BPTF: variants seen among roughly 807,000 people sequenced by gnomAD.
BPTF encodes the protein bromodomain PHD finger transcription factor.
In BPTF, 18 loss-of-function variants were observed where a neutral mutation model predicts 292.5. The ratio of observed to expected loss-of-function variants is 0.06; its 90% confidence interval spans 0.04 to 0.09. The LOEUF (loss-of-function observed/expected upper bound fraction) is 0.09. Among genes scored for constraint, BPTF ranks in the 10% least tolerant of loss-of-function variants. The pLI is 1.00. For missense variants in BPTF, 2,726 were observed against 3,498.7 expected, an observed-to-expected ratio of 0.78 and a Z score of 5.57; for synonymous variants, 1,225 against 1,251.9, an observed-to-expected ratio of 0.98 and a Z score of 0.45.
chr17:67,955,025 C>T (rs1291676247), intron 23 of BPTF, among the ~76,000 whole-genome samples: 4 of 152,088 alleles, frequency 2.6e-5, no homozygotes, highest in Non-Finnish European at 4.4e-5. Context: ...TACGGTGGCT[C>T]ATGCCTGTAA....
At chr17:67,930,874 G>A (rs541614905) in intron 17 of BPTF, among the ~76,000 whole-genome samples, 3 of 151,912 alleles carry the variant, frequency 2.0e-5, no homozygotes, top group African/African-American at 4.8e-5. Flanking sequence ...AGAATTGCTC[G>A]AACCCACAAG....
intron 27 of BPTF, among the ~76,000 whole-genome samples, chr17:67,976,698 A>AT (rs2069490374): frequency 5.2e-5 from 2 of 38,504 alleles, no homozygotes. Context: ...AAAAAAAAAA[A>AT]AAAAAAAAAA....
chr17:67,886,400 C>G, intron 4 of BPTF: 1 of 978,456 alleles, frequency 1.0e-6, no homozygotes, highest in Non-Finnish European at 1.4e-6. Context: ...TGGTTTTTTG[C>G]TTTTGTTTTT....
intron 11 of BPTF, among the ~76,000 whole-genome samples, chr17:67,913,805 G>A (rs571566735): frequency 1.2e-3 from 177 of 152,240 alleles, no homozygotes; most frequent in African/African-American, 4.2e-3. Context: ...AGATAGTGTT[G>A]GTAGTTGTAA....
At chr17:67,828,154 A>T (rs2056290679) in intron 1 of BPTF, among the ~76,000 whole-genome samples, 1 of 151,784 alleles carries the variant, frequency 6.6e-6, no homozygotes, top group Non-Finnish European at 1.5e-5. Flanking sequence ...CTGGTCTCGA[A>T]CTCTTGACCT....
chr17:67,949,612 T>C (rs1229693294), intron 23 of BPTF, among the ~76,000 whole-genome samples: 3 of 150,080 alleles, frequency 2.0e-5, no homozygotes, highest in African/African-American at 4.9e-5. Flanking sequence ...TACATATATA[T>C]ACACACACAC....
At chr17:67,968,642 G>A (rs2068399566) in intron 26 of BPTF, among the ~76,000 whole-genome samples, 2 of 150,954 alleles carry the variant, frequency 1.3e-5, no homozygotes, top group African/African-American at 4.9e-5. Flanking sequence ...CAAAAAATTA[G>A]CCGGGTGTGG....
chr17:67,973,600 TG>T (rs1555692201), intron 26 of BPTF, among the ~76,000 whole-genome samples: 1 of 151,932 alleles, frequency 6.6e-6, no homozygotes, highest in Non-Finnish European at 1.5e-5. Flanking sequence ...CTCCACCTCC[TG>T]GGTTCAAGGG....
At chr17:67,826,845 C>T (rs8079994) in intron 1 of BPTF, among the ~76,000 whole-genome samples, 2,876 of 152,150 alleles carry the variant, frequency 0.019, 93 homozygotes, top group African/African-American at 0.066. Context: ...CAAACACGCA[C>T]AAAAAAATGC....
chr17:67,951,257 C>T (rs777357982), intron 23 of BPTF: 1 of 152,048 alleles, frequency 6.6e-6, no homozygotes, highest in Non-Finnish European at 1.5e-5. Flanking sequence ...GAATCAGCCC[C>T]AATCCTGAGG....
Position 67,846,337 on chromosome 17 carries a change from G to A in BPTF, c.614-7603G>A, listed in dbSNP as rs568273690. ...GATACTGAATGTATTTTAGCTTTGTGTTGACAACCCAGTGGGTTATTTGAA... is the reference window on the plus strand; with the variant it reads ...GATACTGAATGTATTTTAGCTTTGTATTGACAACCCAGTGGGTTATTTGAA... On this transcript the variant is annotated intron_variant, in intron 1 of 27. Transcript: ENST00000306378. Among the ~76,000 whole-genome samples the A allele has an allele frequency of 8.5e-4, 130 of 152,272 alleles. 1 individual carries two copies. The highest frequency in any genetic ancestry group is 2.8e-3 in the African/African-American group (118 of 41,556).
intron 2 of BPTF, among the ~76,000 whole-genome samples, chr17:67,865,050 C>T (rs2059318407): frequency 6.6e-6 from 1 of 152,146 alleles, no homozygotes; most frequent in Non-Finnish European, 1.5e-5. Context: ...TTGTGATCCG[C>T]CCGCCTCAGC....
intron 1 of BPTF, among the ~76,000 whole-genome samples, chr17:67,834,192 G>T (rs2056949452): frequency 6.6e-6 from 1 of 152,114 alleles, no homozygotes; most frequent in Admixed American, 6.6e-5. Flanking sequence ...TGTGCATTAA[G>T]TGTTTTAGTT....
chr17:67,954,156 T>C (rs2066702148), intron 23 of BPTF, among the ~76,000 whole-genome samples: 1 of 108,996 alleles, frequency 9.2e-6, no homozygotes, highest in Non-Finnish European at 2.2e-5. Flanking sequence ...TGCCACCCTG[T>C]CTGGCTAATT....
Position 67,959,688 on chromosome 17 carries a change from G to A in BPTF, c.8074G>A (p.Ala2692Thr), listed in dbSNP as rs1442552068. The A allele has an allele frequency of 6.4e-6, 9 of 1,403,210 alleles. No homozygotes were observed. The highest frequency in any genetic ancestry group is 8.5e-6 in the Non-Finnish European group (9 of 1,059,620). The allele number at this position is 1,403,210 out of a possible 1,614,324, so 86.9% of individuals were successfully genotyped here. Residue 2692 changes from alanine to threonine, a missense_variant, in exon 24 of 28, where the codon GCT becomes ACT. Physicochemically the swap from Ala to Thr is moderately conservative, Grantham distance 58. Coordinates refer to ENST00000306378, the MANE Select transcript of BPTF (RefSeq NM_182641.4). ...APPPSPPPPP[A>T]VQHTGLLSTP... ...TCCACCTTCACCTCCCCCTCCACCT[G>A]CTGTGCAACACACAGGCCTTCTGTC...
chr17:67,961,980 AAAAG>A (rs1468957431), intron 24 of BPTF, among the ~76,000 whole-genome samples: 4 of 151,672 alleles, frequency 2.6e-5, no homozygotes, highest in Admixed American at 6.6e-5. Flanking sequence ...TCAAAAAAAA[AAAAG>A]AAAAGAAAAA....
chr17:67,970,586 G>T (rs1208720599), intron 26 of BPTF, among the ~76,000 whole-genome samples: 1 of 152,134 alleles, frequency 6.6e-6, no homozygotes, highest in South Asian at 2.1e-4. Context: ...GTACCTAAAT[G>T]TGTTTAGAAA....
intron 14 of BPTF, among the ~76,000 whole-genome samples, chr17:67,923,350 G>C (rs151013310): frequency 6.6e-6 from 1 of 151,490 alleles, no homozygotes; most frequent in South Asian, 2.1e-4. Flanking sequence ...GAGCTACCCT[G>C]CCTGGGGTAA....
chr17:67,922,051 A>C (rs1224559975), intron 13 of BPTF, among the ~76,000 whole-genome samples: 1 of 151,964 alleles, frequency 6.6e-6, no homozygotes, highest in East Asian at 1.9e-4. Flanking sequence ...ACAAAATCAC[A>C]AGGTCGTCCT....
Sources: allele counts gnomAD v4.1 joint callset (sites outside exome capture counted in the v4.1 genomes callset), GRCh38; gene constraint gnomAD v4.1.1; transcripts MANE v1.5; gene names NCBI Gene and HGNC (gene_info 2026-07-23, HGNC 2026-07-21).